EIF2B3: variants seen among roughly 807,000 people sequenced by gnomAD.
The protein encoded by EIF2B3 is eukaryotic translation initiation factor 2B subunit gamma.
A neutral mutation model predicts 54.1 loss-of-function variants in EIF2B3; 20 were observed. That is an observed-to-expected ratio of 0.37 (90% CI 0.26 to 0.54). The LOEUF (loss-of-function observed/expected upper bound fraction) is 0.54, where lower values mean the gene tolerates loss of function less well. Among genes scored for constraint, EIF2B3 ranks in the 20% least tolerant of loss-of-function variants. The pLI is 0.86. For synonymous variants in EIF2B3, 153 were observed against 188.1 expected (o/e 0.81, Z 1.52); for missense variants, 448 against 547.8 (o/e 0.82, Z 1.82).
At chr1:44,891,104 T>G (rs1655785023) in intron 6 of EIF2B3, among the ~76,000 whole-genome samples, 2 of 152,170 alleles carry the variant, frequency 1.3e-5, no homozygotes, top group African/African-American at 4.8e-5. Flanking sequence ...TTTTAAATTT[T>G]TAAATTTTTT....
At chr1:44,922,836 ATTTTTTTTTTTTT>A (rs386366852) in intron 5 of EIF2B3, among the ~76,000 whole-genome samples, 6 of 56,656 alleles carry the variant, frequency 1.1e-4, no homozygotes, top group African/African-American at 2.8e-4. Context: ...TCTTTTTCAG[ATTTTTTTTTTTTT>A]TTTTTTTTTT....
At chr1:44,877,192 T>TTAAA (rs1553169362) in intron 8 of EIF2B3, among the ~76,000 whole-genome samples, 4,879 of 51,528 alleles carry the variant, frequency 0.095, 336 homozygotes, top group South Asian at 0.13. Flanking sequence ...GAATGATCAA[T>TTAAA]AAAAAAAAAA....
At chr1:44,967,103 C>T (rs1047093999) in intron 3 of EIF2B3, among the ~76,000 whole-genome samples, 42 of 151,736 alleles carry the variant, frequency 2.8e-4, no homozygotes, top group African/African-American at 9.9e-4. Flanking sequence ...TGTGAGACAC[C>T]ATGCCCGGCC....
intron 5 of EIF2B3, among the ~76,000 whole-genome samples, chr1:44,904,096 C>CA (rs1389960055): frequency 2.6e-5 from 4 of 151,782 alleles, no homozygotes; most frequent in Admixed American, 1.3e-4. Context: ...AACAAACAAA[C>CA]AAAAAAACCC....
intron 5 of EIF2B3, among the ~76,000 whole-genome samples, chr1:44,913,225 C>T (rs1643551568): frequency 6.6e-6 from 1 of 150,498 alleles, no homozygotes; most frequent in Admixed American, 6.6e-5. Context: ...TTAATTGCAT[C>T]TTGTGGCGAG....
At chr1:44,955,039 G>A (rs1282521399) in intron 3 of EIF2B3, among the ~76,000 whole-genome samples, 1 of 152,066 alleles carries the variant, frequency 6.6e-6, no homozygotes, top group African/African-American at 2.4e-5. Flanking sequence ...ATTTGCATAC[G>A]TTCAGCCAGT....
intron 3 of EIF2B3, among the ~76,000 whole-genome samples, chr1:44,970,587 G>A (rs1644389764): frequency 6.6e-6 from 1 of 152,202 alleles, no homozygotes; most frequent in South Asian, 2.1e-4. Flanking sequence ...TGTCATGCAT[G>A]GCACAGCTGC....
At chr1:44,918,072 C>CTTTTTTTTTTT (rs3074632) in intron 5 of EIF2B3, among the ~76,000 whole-genome samples, 1 of 88,632 alleles carries the variant, frequency 1.1e-5, no homozygotes, top group East Asian at 3.7e-4. Flanking sequence ...TGTGCCCAGC[C>CTTTTTTTTTTT]TTTTTTTTTT....
chr1:44,942,396 TA>T (rs1557696891), intron 3 of EIF2B3, among the ~76,000 whole-genome samples: 14 of 17,666 alleles, frequency 7.9e-4, no homozygotes, highest in Non-Finnish European at 1.4e-3. Context: ...TATATATATA[TA>T]TATATATATA....
At chr1:44,862,182 G>C (rs1198371754) in intron 10 of EIF2B3, among the ~76,000 whole-genome samples, 1 of 152,172 alleles carries the variant, frequency 6.6e-6, no homozygotes, top group African/African-American at 2.4e-5. Flanking sequence ...TACAGCTTCT[G>C]CATCCTAGTT....
At position 44,978,335 on chromosome 1, in the gene EIF2B3, A is replaced by T. The variant is rs1644473940; in HGVS notation, c.274T>A (p.Tyr92Asn). ...ADMGTADSLR[Y>N]IYPKLKTDVL... Reference sequence around the variant, plus strand: ...TTCACCTTAAGTTTTGGATATATGTAGCGCAAAGAATCTGCAGTTCCCATG... The same window carrying T: ...TTCACCTTAAGTTTTGGATATATGTTGCGCAAAGAATCTGCAGTTCCCATG... Residue 92 changes from tyrosine (Y) to asparagine (N), a missense_variant, in exon 3 of 12, where the codon TAC (tyrosine) becomes AAC (asparagine). Coordinates refer to ENST00000360403, the MANE Select transcript of EIF2B3 (RefSeq NM_020365.5). 1 of 1,614,038 alleles carries T rather than the reference A, an allele frequency of 6.2e-7. No individual in the cohort carries two copies. Among genetic ancestry groups the T allele is most frequent in the Admixed American group, 1.7e-5 (1 of 60,000 alleles).
intron 5 of EIF2B3, among the ~76,000 whole-genome samples, chr1:44,904,199 G>A (rs1332873787): frequency 6.6e-6 from 1 of 152,134 alleles, no homozygotes; most frequent in Non-Finnish European, 1.5e-5. Context: ...CCAGAGAATG[G>A]TATTGGGTGA....
rs1261863720 is a variant in EIF2B3 at position 44,953,142 on chromosome 1, C to T, written c.295-11477G>A. 2.8e-5 allele frequency among the ~76,000 whole-genome samples: 4 copies of T among 140,648 alleles called. No homozygotes were observed. In the East Asian group the frequency reaches 8.1e-4, roughly 28 times the overall value. 92.3% of individuals were successfully genotyped at this position (140,648 alleles called of 152,430 possible). On this transcript the variant is annotated intron_variant, in intron 3 of 11. Transcript: ENST00000360403. ...ACCTTAAAAAAAACCCAACTTGCCT[C>T]CATAAGTGTAAAAAAAAAAAAAAAA...
intron 3 of EIF2B3, among the ~76,000 whole-genome samples, chr1:44,959,955 T>C (rs1644267262): frequency 6.6e-6 from 1 of 152,226 alleles, no homozygotes. Context: ...AGTGTGTTAA[T>C]TTACACTGAT....
chr1:44,891,568 C>T (rs2148911626), intron 6 of EIF2B3, among the ~76,000 whole-genome samples: 1 of 152,230 alleles, frequency 6.6e-6, no homozygotes, highest in South Asian at 2.1e-4. Context: ...ATAGTGATTA[C>T]TTTTGTGTAT....
intron 6 of EIF2B3, among the ~76,000 whole-genome samples, chr1:44,890,651 T>C (rs530744050): frequency 9.2e-5 from 14 of 152,254 alleles, no homozygotes; most frequent in South Asian, 2.1e-4. Context: ...ATGTTTTTTT[T>C]CCCCAAGGTA....
At chr1:44,922,591 C>CAAAAAAA (rs58626731) in intron 5 of EIF2B3, among the ~76,000 whole-genome samples, 13 of 87,532 alleles carry the variant, frequency 1.5e-4, no homozygotes, top group African/African-American at 4.5e-4. Flanking sequence ...TGTCTCAAGA[C>CAAAAAAA]AAAAAAAAAA....
Position 44,941,657 on chromosome 1 carries a change from C to A in EIF2B3, c.303G>T (p.Val101=). 1 of 1,614,114 alleles carries A rather than the reference C, an allele frequency of 6.2e-7. No homozygotes were observed. The highest frequency in any genetic ancestry group is 8.5e-7 in the Non-Finnish European group (1 of 1,180,030). The part of the protein sequence containing the change: ...RYIYPKLKTD[V]LVLSCDLITD... ...TTATCAGATCACAGCTCAGCACCAGCACATCTGTCTGTTAAATGGAGATGG... is the reference window on the plus strand; with the variant it reads ...TTATCAGATCACAGCTCAGCACCAGAACATCTGTCTGTTAAATGGAGATGG... Residue 101 remains valine (V), a synonymous_variant, in exon 4 of 12, where the codon GTG becomes GTT. Transcript: ENST00000360403.
chr1:44,870,176 A>AG (rs111370548), intron 10 of EIF2B3, among the ~76,000 whole-genome samples: 3 of 146,100 alleles, frequency 2.1e-5, no homozygotes, highest in African/African-American at 2.6e-5. Context: ...CGTCTCAAAA[A>AG]AGAGAGAGAG....
Sources: gnomAD v4.1 joint callset for allele counts (sites outside exome capture counted in the v4.1 genomes callset) on GRCh38, gnomAD v4.1.1 for gene constraint, MANE v1.5 for transcripts, NCBI Gene and HGNC (gene_info 2026-07-23, HGNC 2026-07-21) for gene names.